NKAIN3: variants seen among roughly 807,000 people sequenced by gnomAD.
NKAIN3 encodes the protein sodium/potassium-transporting ATPase subunit beta-1-interacting protein 3.
A neutral mutation model predicts 30.2 loss-of-function variants in NKAIN3; 25 were observed. The ratio of observed to expected loss-of-function variants is 0.83; its 90% CI spans 0.60 to 1.16. The LOEUF (loss-of-function observed/expected upper bound fraction) is 1.16. Among genes scored for constraint, NKAIN3 ranks in the 50% most tolerant of loss-of-function variants. NKAIN3 has a pLI of 0.00. For missense variants in NKAIN3, 225 were observed against 254.1 expected, an observed-to-expected ratio of 0.89 and a Z score of 0.78; for synonymous variants, 91 against 89.6, an observed-to-expected ratio of 1.02 and a Z score of -0.09.
At chr8:62,881,871 T>C (rs1820994493) in intron 4 of NKAIN3, among the ~76,000 whole-genome samples, 1 of 152,254 alleles carries the variant, frequency 6.6e-6, no homozygotes, top group African/African-American at 2.4e-5. Context: ...TTAAAGTTTC[T>C]GTTGAACTCA....
intron 3 of NKAIN3, among the ~76,000 whole-genome samples, chr8:62,746,322 T>C (rs780739871): frequency 3.3e-5 from 5 of 152,200 alleles, no homozygotes; most frequent in Non-Finnish European, 5.9e-5. Flanking sequence ...TCCACTCAGA[T>C]AGTCCATGAT....
At chr8:62,865,013 A>G (rs747394449) in intron 4 of NKAIN3, among the ~76,000 whole-genome samples, 13 of 152,202 alleles carry the variant, frequency 8.5e-5, no homozygotes, top group Non-Finnish European at 2.9e-5. Flanking sequence ...GACGAAGATC[A>G]CATAGCATTG....
intron 1 of NKAIN3, among the ~76,000 whole-genome samples, chr8:62,374,271 A>G (rs1817006770): frequency 6.6e-6 from 1 of 152,206 alleles, no homozygotes; most frequent in African/African-American, 2.4e-5. Context: ...ATGTTTAGCT[A>G]GTGCTATTCA....
At chr8:62,335,555 A>G (rs1373521632) in intron 1 of NKAIN3, among the ~76,000 whole-genome samples, 1 of 151,998 alleles carries the variant, frequency 6.6e-6, no homozygotes, top group African/African-American at 2.4e-5. Flanking sequence ...TTCTTTGTGT[A>G]TATTTTCTCT....
chr8:62,419,010 A>G (rs776932873), intron 1 of NKAIN3, among the ~76,000 whole-genome samples: 16 of 152,178 alleles, frequency 1.1e-4, no homozygotes, highest in Non-Finnish European at 1.9e-4. Context: ...GATGGGAAGC[A>G]TGACTCTACA....
At chr8:62,698,865 G>T (rs978292203) in intron 3 of NKAIN3, among the ~76,000 whole-genome samples, 1 of 152,130 alleles carries the variant, frequency 6.6e-6, no homozygotes, top group African/African-American at 2.4e-5. Context: ...AACCTCCCTT[G>T]TGATTGACAT....
At chr8:62,539,274 G>T (rs1808765890) in intron 1 of NKAIN3, among the ~76,000 whole-genome samples, 1 of 152,156 alleles carries the variant, frequency 6.6e-6, no homozygotes, top group Admixed American at 6.5e-5. Flanking sequence ...CAGTAGAAAT[G>T]ATTTCATCAT....
intron 4 of NKAIN3, among the ~76,000 whole-genome samples, chr8:62,870,578 T>C (rs1820597154): frequency 7.3e-6 from 1 of 136,884 alleles, no homozygotes; most frequent in Non-Finnish European, 1.5e-5. Context: ...ATACACCATA[T>C]ATAGTACATA....
At chr8:62,470,539 G>A (rs1806295993) in intron 1 of NKAIN3, among the ~76,000 whole-genome samples, 1 of 151,950 alleles carries the variant, frequency 6.6e-6, no homozygotes, top group Non-Finnish European at 1.5e-5. Flanking sequence ...TGCAGATGCA[G>A]GATTTAGACA....
chr8:62,724,883 G>A lies in NKAIN3; in HGVS notation c.274-22049G>A, dbSNP rs186163156. The stretch of plus-strand genomic sequence containing the variant: ...TTGATATACCGATGTCCTTTCTTTC[G>A]GGTTTACACCCACCAATGGGATTGC... On this transcript the variant is annotated intron_variant, in intron 3 of 6. Coordinates refer to ENST00000623646, the MANE Select transcript of NKAIN3 (RefSeq NM_001304533.3). Among the ~76,000 whole-genome samples the A allele has an allele frequency of 4.4e-3, 676 of 152,062 alleles. 1 individual carries two copies. Among genetic ancestry groups the A allele is most frequent in the Non-Finnish European group, 7.6e-3 (518 of 67,938 alleles).
intron 4 of NKAIN3, among the ~76,000 whole-genome samples, chr8:62,898,677 T>A (rs891284473): frequency 6.6e-5 from 10 of 152,018 alleles, no homozygotes; most frequent in African/African-American, 2.4e-4. Flanking sequence ...TGGGCAAAAA[T>A]TTCTTGAACA....
intron 3 of NKAIN3, among the ~76,000 whole-genome samples, chr8:62,640,883 C>T (rs528639901): frequency 8.5e-4 from 129 of 152,102 alleles, no homozygotes; most frequent in Non-Finnish European, 2.5e-4. Flanking sequence ...AAGCTGAAAA[C>T]TAGGGCCAGT....
chr8:62,787,239 A>C (rs1817548238), intron 4 of NKAIN3, among the ~76,000 whole-genome samples: 1 of 152,296 alleles, frequency 6.6e-6, no homozygotes, highest in Middle Eastern at 3.4e-3. Context: ...GTGTCAAGTA[A>C]ACAAATATTA....
chr8:62,283,066 G>A (rs1183448217), intron 1 of NKAIN3, among the ~76,000 whole-genome samples: 1 of 152,154 alleles, frequency 6.6e-6, no homozygotes, highest in Non-Finnish European at 1.5e-5. Context: ...CCCAGATGGG[G>A]TTAATTGTTA....
At chr8:62,594,807 T>A (rs1421990807) in intron 3 of NKAIN3, among the ~76,000 whole-genome samples, 1 of 151,796 alleles carries the variant, frequency 6.6e-6, no homozygotes, top group Non-Finnish European at 1.5e-5. Flanking sequence ...CTCCCTTCCT[T>A]TCTTCCCTCC....
chr8:62,440,946 C>T (rs897709598), intron 1 of NKAIN3, among the ~76,000 whole-genome samples: 4 of 152,122 alleles, frequency 2.6e-5, no homozygotes, highest in African/African-American at 7.2e-5. Context: ...TCCTCAAAAT[C>T]ATCCTCAATG....
rs574231094 is a variant in NKAIN3 at position 62,249,178 on chromosome 8, G to T, written c.54+51G>T. ...CAGGACAGGTCCCTGCTCCAGGACCGGCCTCTGCGACTCCCTCTGCGGTTC... is the reference window on the plus strand; with the variant it reads ...CAGGACAGGTCCCTGCTCCAGGACCTGCCTCTGCGACTCCCTCTGCGGTTC... On this transcript the variant is annotated intron_variant, in intron 1 of 6. Coordinates refer to ENST00000623646, the MANE Select transcript of NKAIN3 (RefSeq NM_001304533.3). The T allele has an allele frequency of 1.6e-5, 23 of 1,438,490 alleles. No homozygotes were observed. In the African/African-American group the frequency reaches 2.6e-4, roughly 17 times the overall value. The allele number at this position is 1,438,490 out of a possible 1,614,324, so 89.1% of individuals were successfully genotyped here. A position where few individuals can be genotyped will look rare whatever the true frequency, so the allele number is the denominator to read the frequency against.
At chr8:62,438,041 A>G (rs1002733865) in intron 1 of NKAIN3, among the ~76,000 whole-genome samples, 4 of 152,202 alleles carry the variant, frequency 2.6e-5, no homozygotes, top group African/African-American at 7.2e-5. Context: ...AATTATTTCC[A>G]TAATACAACC....
chr8:62,250,476 A>G (rs531322113), intron 1 of NKAIN3, among the ~76,000 whole-genome samples: 5 of 152,218 alleles, frequency 3.3e-5, no homozygotes, highest in Non-Finnish European at 5.9e-5. Flanking sequence ...GTTTTCTTTC[A>G]CTAAGAAAAG....
Sources: allele counts gnomAD v4.1 joint callset (sites outside exome capture counted in the v4.1 genomes callset), GRCh38; gene constraint gnomAD v4.1.1; transcripts MANE v1.5; gene names NCBI Gene and HGNC (gene_info 2026-07-23, HGNC 2026-07-21).